PTGES3: variants seen among roughly 807,000 people sequenced by gnomAD.
PTGES3 encodes the protein prostaglandin E synthase 3, also known as Hsp90 co-chaperone.
A neutral mutation model predicts 29.9 loss-of-function variants in PTGES3; 5 were observed. That is an observed-to-expected ratio of 0.17 (90% CI 0.09 to 0.35). The LOEUF is 0.35. Ranked by LOEUF, PTGES3 falls within the 10% of genes least tolerant of loss-of-function variation. The pLI is 1.00. For missense variants in PTGES3, 128 were observed against 190.0 expected (o/e 0.67, Z 1.92); for synonymous variants, 49 against 57.8 (o/e 0.85, Z 0.69).
At chr12:56,675,133 C>A (rs1453114971) in intron 1 of PTGES3, among the ~76,000 whole-genome samples, 2 of 151,342 alleles carry the variant, frequency 1.3e-5, no homozygotes, top group African/African-American at 4.9e-5. Flanking sequence ...AACCCCGTCT[C>A]TACTAAAATT....
At chr12:56,670,910 A>G (rs1951976633) in intron 4 of PTGES3, among the ~76,000 whole-genome samples, 1 of 152,192 alleles carries the variant, frequency 6.6e-6, no homozygotes, top group Non-Finnish European at 1.5e-5. Flanking sequence ...AGTTCGAGAC[A>G]GCCTGAGCAA....
intron 1 of PTGES3, among the ~76,000 whole-genome samples, chr12:56,675,357 C>G (rs951751344): frequency 3.3e-5 from 5 of 151,574 alleles, no homozygotes; most frequent in African/African-American, 1.2e-4. Flanking sequence ...ATGATCATGT[C>G]CCAGATAAAA....
rs557191752 is a variant in PTGES3, at chr12:56,675,244, G to A, written c.3-2179C>T. 1.6e-3 allele frequency among the ~76,000 whole-genome samples: 248 copies of A among 151,724 alleles called. 4 individuals carry two copies. Among genetic ancestry groups the A allele is most frequent in the Admixed American group, 4.5e-3 (68 of 15,184 alleles). On this transcript the variant is annotated intron_variant, in intron 1 of 7. Coordinates refer to ENST00000262033, the MANE Select transcript of PTGES3 (RefSeq NM_006601.7). ...GAACCCAGGAGGTAGAGGTTGCAGC[G>A]AGCCAAGATCACGCCACTGCACTCT...
At chr12:56,684,568 T>C (rs1399729072) in intron 1 of PTGES3, among the ~76,000 whole-genome samples, 1 of 152,170 alleles carries the variant, frequency 6.6e-6, no homozygotes. Flanking sequence ...GAGACGCAAG[T>C]TTCTGGACAA....
intron 5 of PTGES3, among the ~76,000 whole-genome samples, chr12:56,669,186 GTTTTA>G (rs757767056): frequency 6.6e-6 from 1 of 150,478 alleles, no homozygotes; most frequent in Non-Finnish European, 1.5e-5. Flanking sequence ...TTTTTTTGTA[GTTTTA>G]TTTAATTATT....
intron 5 of PTGES3, among the ~76,000 whole-genome samples, chr12:56,667,614 T>C (rs1309283860): frequency 6.6e-6 from 1 of 152,182 alleles, no homozygotes; most frequent in East Asian, 1.9e-4. Context: ...CCTAAGATTA[T>C]GTAAGATACC....
At chr12:56,687,772 T>C (rs1419437263) in intron 1 of PTGES3, 5 of 1,379,682 alleles carry the variant, frequency 3.6e-6, no homozygotes, top group South Asian at 1.6e-5. Context: ...ATTTCCGGCA[T>C]GGGGAAGCCA....
chr12:56,667,918 C>A (rs1210850473), intron 5 of PTGES3, among the ~76,000 whole-genome samples: 1 of 152,060 alleles, frequency 6.6e-6, no homozygotes, highest in African/African-American at 2.4e-5. Flanking sequence ...GGCTAGCCTG[C>A]CCAACATGGT....
At chr12:56,687,144 A>G in intron 1 of PTGES3, 3 of 890,700 alleles carry the variant, frequency 3.4e-6, no homozygotes, top group Non-Finnish European at 4.3e-6. Flanking sequence ...TAGAATCTGT[A>G]TTCACCTCCA....
chr12:56,667,878 CG>C (rs1951847406), intron 5 of PTGES3, among the ~76,000 whole-genome samples: 1 of 152,132 alleles, frequency 6.6e-6, no homozygotes, highest in African/African-American at 2.4e-5. Context: ...GAGGCCAAGG[CG>C]GGTGGATCAC....
At chr12:56,686,232 T>TA (rs1360772534) in intron 1 of PTGES3, among the ~76,000 whole-genome samples, 7 of 152,312 alleles carry the variant, frequency 4.6e-5, no homozygotes, top group Middle Eastern at 3.4e-3. Context: ...GCTCTATTAT[T>TA]AAAAGCTGCT....
chr12:56,681,129 T>C (rs569714374), intron 1 of PTGES3, among the ~76,000 whole-genome samples: 1 of 152,250 alleles, frequency 6.6e-6, no homozygotes, highest in Non-Finnish European at 1.5e-5. Flanking sequence ...GCTCTTGTTG[T>C]CCAGACTGGA....
intron 4 of PTGES3, chr12:56,670,860 G>A (rs1274822967): frequency 1.3e-5 from 2 of 153,866 alleles, no homozygotes; most frequent in Non-Finnish European, 2.9e-5. Flanking sequence ...CAACACTTTG[G>A]GTGGCCAAGG....
At chr12:56,683,985 CAAAA>C (rs993093097) in intron 1 of PTGES3, among the ~76,000 whole-genome samples, 1 of 146,658 alleles carries the variant, frequency 6.8e-6, no homozygotes, top group Non-Finnish European at 1.5e-5. Flanking sequence ...AAAAAACAAA[CAAAA>C]AAAACCCCAA....
At chr12:56,683,227 G>GT (rs1952637103) in intron 1 of PTGES3, among the ~76,000 whole-genome samples, 1 of 151,698 alleles carries the variant, frequency 6.6e-6, no homozygotes, top group African/African-American at 2.4e-5. Context: ...GCTCACACCT[G>GT]TAATCCCAGC....
intron 1 of PTGES3, among the ~76,000 whole-genome samples, chr12:56,673,737 G>A (rs1175840523): frequency 2.1e-5 from 3 of 143,962 alleles, no homozygotes; most frequent in African/African-American, 7.8e-5. Flanking sequence ...AGGTTGCAAT[G>A]AGCCGAGATT....
intron 5 of PTGES3, among the ~76,000 whole-genome samples, chr12:56,668,819 C>T (rs1478295709): frequency 6.6e-6 from 1 of 151,846 alleles, no homozygotes; most frequent in Non-Finnish European, 1.5e-5. Flanking sequence ...AGTATGCATT[C>T]GACTTATACA....
intron 1 of PTGES3, among the ~76,000 whole-genome samples, chr12:56,681,125 G>T (rs1337569738): frequency 6.6e-6 from 1 of 152,032 alleles, no homozygotes; most frequent in African/African-American, 2.4e-5. Flanking sequence ...TTTTGCTCTT[G>T]TTGTCCAGAC....
At chr12:56,670,018 G>A (rs1951941916) in intron 5 of PTGES3, among the ~76,000 whole-genome samples, 1 of 148,844 alleles carries the variant, frequency 6.7e-6, no homozygotes, top group Non-Finnish European at 1.5e-5. Context: ...CAAACTAGCT[G>A]TGTTAGTTTG....
Sources: allele counts gnomAD v4.1 joint callset (sites outside exome capture counted in the v4.1 genomes callset), GRCh38; gene constraint gnomAD v4.1.1; transcripts MANE v1.5; gene names NCBI Gene and HGNC (gene_info 2026-07-23, HGNC 2026-07-21).